The following UPF2 variants were observed in gnomAD, a reference collection of about 807,000 sequenced individuals.
The protein encoded by UPF2 is regulator of nonsense transcripts 2.
In UPF2, 17 loss-of-function variants were observed where a neutral mutation model predicts 141.4. That is an observed-to-expected ratio of 0.12 (90% CI 0.08 to 0.18). The LOEUF (loss-of-function observed/expected upper bound fraction) is 0.18, where lower values mean the gene tolerates loss of function less well. Ranked by LOEUF, UPF2 falls within the 10% of genes least tolerant of loss-of-function variation. The pLI, the probability that UPF2 is intolerant of heterozygous loss-of-function variation, is 1.00. For synonymous variants in UPF2, 540 were observed against 498.0 expected (o/e 1.08, Z -1.12); for missense variants, 1,152 against 1,515.9 (o/e 0.76, Z 3.99).
rs1208350824 is a variant in UPF2 at position 12,014,653 on chromosome 10, T to C, written c.1146-469A>G. 6.6e-6 allele frequency among the ~76,000 whole-genome samples: 1 copy of C among 152,196 alleles called. No homozygotes were observed. Among genetic ancestry groups the C allele is most frequent in the Non-Finnish European group, 1.5e-5 (1 of 68,038 alleles). On this transcript the variant is annotated intron_variant, in intron 3 of 21. Transcript: ENST00000357604. The surrounding 1 kb of genome is among the most constrained non-coding windows in gnomAD (Gnocchi z 5.0). Reference sequence around the variant, plus strand: ...TAATCAAAAATTATTTGGTTTTTTATTACTGTCATACTCCCCTCAGACATA... The same window carrying C: ...TAATCAAAAATTATTTGGTTTTTTACTACTGTCATACTCCCCTCAGACATA...
chr10:11,931,562 G>A lies in UPF2; in HGVS notation c.3688+79C>T, dbSNP rs1017942013. ...GCATAAATATGGAAAAATATGACAT[G>A]AGAAGATGAGACAAAATAACAATTT... On this transcript the variant is annotated intron_variant, in intron 20 of 21. Coordinates refer to ENST00000357604, the MANE Select transcript of UPF2 (RefSeq NM_015542.4). This position sits in a 1 kb window ranked among gnomAD's most constrained non-coding sequence, Gnocchi z 5.9. 5 of 1,414,420 alleles carry A rather than the reference G, an allele frequency of 3.5e-6. No homozygotes were observed. The African/African-American group carries it at 4.3e-5, about 12-fold the overall frequency. 87.6% of individuals were successfully genotyped at this position (1,414,420 alleles called of 1,614,324 possible).
Position 12,019,161 on chromosome 10 carries a change from G to A in UPF2, c.1146-4977C>T, listed in dbSNP as rs145965137. ...TGAGAATGTCATAAAGTAGAGGTCA[G>A]CAAACTTTTTCTGTAAAGGGCCATA... On this transcript the variant is annotated intron_variant, in intron 3 of 21. Coordinates refer to ENST00000357604, the MANE Select transcript of UPF2 (RefSeq NM_015542.4). This position sits in a 1 kb window ranked among gnomAD's most constrained non-coding sequence, Gnocchi z 4.5. Among the ~76,000 whole-genome samples the A allele has an allele frequency of 7.2e-4, 110 of 152,282 alleles. No homozygotes were observed. The highest frequency in any genetic ancestry group is 2.6e-3 in the African/African-American group (109 of 41,542).
chr10:11,967,608 G>C (rs545196124), intron 9 of UPF2, among the ~76,000 whole-genome samples, 154 bp from the exon 10 acceptor site: 1 of 145,004 alleles, frequency 6.9e-6, no homozygotes, highest in Non-Finnish European at 1.5e-5. Flanking sequence ...GGAGTGCAAC[G>C]GTGCAATCTT....
chr10:11,977,133 T>C (rs188924691), intron 9 of UPF2, among the ~76,000 whole-genome samples: 1 of 151,898 alleles, frequency 6.6e-6, no homozygotes, highest in East Asian at 1.9e-4. Flanking sequence ...AATCAAAGAG[T>C]AAATGTCAGG....
In UPF2 at chr10:11,999,491, C is replaced by T. The variant is rs116996872; in HGVS notation, c.1758+415G>A. 9.9e-3 allele frequency among the ~76,000 whole-genome samples: 1,215 copies of T among 122,778 alleles called. 22 individuals are homozygous for T. The highest frequency in any genetic ancestry group is 0.019 in the Middle Eastern group (3 of 158). 80.5% of individuals were successfully genotyped at this position (122,778 alleles called of 152,430 possible). ...TCACACCATTGCACTCCAGCCTAGG[C>T]GAAAGAGTGAGACTCCATCTCAAAA... On this transcript the variant is annotated intron_variant, in intron 7 of 21. Coordinates refer to ENST00000357604, the MANE Select transcript of UPF2 (RefSeq NM_015542.4).
At chr10:12,003,323 C>T (rs544216391) in intron 5 of UPF2, among the ~76,000 whole-genome samples, 13 of 152,224 alleles carry the variant, frequency 8.5e-5, no homozygotes, top group Admixed American at 6.5e-4. Context: ...AAATGTGACC[C>T]TTGCTCTCAA....
intron 13 of UPF2, 91 bp from the exon 14 acceptor site, chr10:11,955,598 A>C: frequency 7.9e-7 from 1 of 1,259,590 alleles, no homozygotes; most frequent in Non-Finnish European, 1.1e-6. Context: ...GAAAATATCT[A>C]TTACTGAAAG....
Position 11,967,452 on chromosome 10 carries a change from T to G in UPF2, c.1956A>C (p.Val652=). 2 of 1,539,140 alleles carry G rather than the reference T, an allele frequency of 1.3e-6. No individual in the cohort carries two copies. Among genetic ancestry groups the G allele is most frequent in the Non-Finnish European group, 1.8e-6 (2 of 1,140,426 alleles). ...SMLRGDFRFH[V]RKKDQINIET... Reference sequence around the variant, plus strand: ...CAATATTGATCTGGTCCTTTTTCCGTACCTAAAAATTAAGAGAGAAAAGAT... The same window carrying G: ...CAATATTGATCTGGTCCTTTTTCCGGACCTAAAAATTAAGAGAGAAAAGAT... Residue 652 remains valine, a splice_region_variant and synonymous_variant, in exon 10 of 22, where the codon GTA becomes GTC. Coordinates refer to ENST00000357604, the MANE Select transcript of UPF2 (RefSeq NM_015542.4).
chr10:11,956,526 A>T lies in UPF2; in HGVS notation c.2371-3T>A. 1 of 1,612,000 alleles carries T rather than the reference A, an allele frequency of 6.2e-7. No homozygotes were observed. The highest frequency in any genetic ancestry group is 1.7e-5 in the Admixed American group (1 of 59,804). Reference sequence around the variant, plus strand: ...AGCTTTCGCATCTGTCTCAAAACCTAAAAAAAGAGAATTTTGTTCAAATTA... The same window carrying T: ...AGCTTTCGCATCTGTCTCAAAACCTTAAAAAAGAGAATTTTGTTCAAATTA... On this transcript the variant is annotated splice_region_variant and splice_polypyrimidine_tract_variant and intron_variant, in intron 12 of 21. Transcript: ENST00000357604. This position sits in a 1 kb window ranked among gnomAD's most constrained non-coding sequence, Gnocchi z 4.2.
At chr10:12,027,977 C>T (rs1008475102) in intron 3 of UPF2, among the ~76,000 whole-genome samples, 1 of 152,144 alleles carries the variant, frequency 6.6e-6, no homozygotes, top group Admixed American at 6.6e-5. Flanking sequence ...TACCTCTTTG[C>T]TACACTCCCT....
At chr10:11,988,590 G>T (rs1387209401) in intron 8 of UPF2, among the ~76,000 whole-genome samples, 1 of 152,188 alleles carries the variant, frequency 6.6e-6, no homozygotes, top group African/African-American at 2.4e-5. Flanking sequence ...CAGGAGGGAG[G>T]AAGGAGCATG....
intron 3 of UPF2, among the ~76,000 whole-genome samples, chr10:12,022,410 CAAAAAAAA>C (rs112402179): frequency 1.3e-5 from 1 of 75,026 alleles, no homozygotes; most frequent in African/African-American, 4.2e-5. Context: ...GACTCCGTCT[CAAAAAAAA>C]AAAAAAGAAA....
At chr10:11,999,853 G>A in intron 7 of UPF2, 53 bp downstream of exon 7, 6 of 1,380,078 alleles carry the variant, frequency 4.3e-6, no homozygotes, top group South Asian at 1.2e-5. Context: ...CCTTATCAGA[G>A]GACTCCTACA....
At chr10:12,007,807 G>T (rs1834059030) in intron 4 of UPF2, among the ~76,000 whole-genome samples, 1 of 148,800 alleles carries the variant, frequency 6.7e-6, no homozygotes, top group Non-Finnish European at 1.5e-5. Context: ...CTCCAGCCTG[G>T]GCAACACAGC....
intron 8 of UPF2, among the ~76,000 whole-genome samples, chr10:11,989,268 T>C (rs1472236263): frequency 6.6e-6 from 1 of 152,188 alleles, no homozygotes; most frequent in East Asian, 1.9e-4. Flanking sequence ...GAGAAATGTA[T>C]AAAAATTAGA....
chr10:12,010,850 T>A (rs1384843225), intron 4 of UPF2, among the ~76,000 whole-genome samples: 1 of 149,590 alleles, frequency 6.7e-6, no homozygotes, highest in Non-Finnish European at 1.5e-5. Context: ...AAATATAGAT[T>A]ATATAAATAA....
chr10:11,972,968 C>T (rs184485850), intron 9 of UPF2, among the ~76,000 whole-genome samples: 3 of 152,300 alleles, frequency 2.0e-5, no homozygotes, highest in African/African-American at 7.2e-5. Context: ...CACTGTCTTC[C>T]ACAATGGTTG....
At chr10:11,945,072 A>G (rs1832984089) in intron 16 of UPF2, among the ~76,000 whole-genome samples, 1 of 152,258 alleles carries the variant, frequency 6.6e-6, no homozygotes, top group Non-Finnish European at 1.5e-5. Context: ...GTAAATAACT[A>G]TTACTGCTAT....
intron 11 of UPF2, among the ~76,000 whole-genome samples, chr10:11,961,604 C>T (rs143004085): frequency 1.1e-4 from 16 of 152,066 alleles, no homozygotes; most frequent in African/African-American, 3.6e-4. Context: ...AAGCTTCAAG[C>T]GGTGTTGTGG....
Sources: allele counts gnomAD v4.1 joint callset (sites outside exome capture counted in the v4.1 genomes callset), GRCh38; gene constraint gnomAD v4.1.1; non-coding constraint Gnocchi (gnomAD v3.1); transcripts MANE v1.5; gene names NCBI Gene and HGNC (gene_info 2026-07-23, HGNC 2026-07-21).